Variants in EXOC3L2 observed in about 807,000 individuals in gnomAD.
The protein encoded by EXOC3L2 is exocyst complex component 3-like protein 2.
EXOC3L2 carries 17 observed loss-of-function variants against 44.4 expected under a neutral mutation model. The ratio of observed to expected loss-of-function variants is 0.38; its 90% CI spans 0.26 to 0.57. The LOEUF (loss-of-function observed/expected upper bound fraction) is 0.57. Ranked by LOEUF, EXOC3L2 falls within the 20% of genes least tolerant of loss-of-function variation. The probability of loss-of-function intolerance (pLI) is 0.65; values close to 1 mark genes in which losing one functional copy is unlikely to be tolerated. For synonymous variants in EXOC3L2, 256 were observed against 253.7 expected (o/e 1.01, Z -0.09); for missense variants, 541 against 588.4 (o/e 0.92, Z 0.83).
At chr19:45,222,325 G>A (rs1027008146) in intron 8 of EXOC3L2, among the ~76,000 whole-genome samples, 7 of 150,944 alleles carry the variant, frequency 4.6e-5, no homozygotes, top group East Asian at 2.0e-4. Flanking sequence ...TCAGCCTCCC[G>A]AGTAGCTGGA....
chr19:45,228,300 G>A, intron 4 of EXOC3L2, 34 bp from the exon 5 acceptor site: 2 of 1,599,438 alleles, frequency 1.3e-6, no homozygotes, highest in Non-Finnish European at 8.6e-7. Context: ...GGCAGGAGTT[G>A]GGGGCGGCCT....
At chr19:45,223,391 G>A (rs922591764) in intron 8 of EXOC3L2, among the ~76,000 whole-genome samples, 4 of 152,070 alleles carry the variant, frequency 2.6e-5, no homozygotes, top group African/African-American at 9.7e-5. Flanking sequence ...CACCCAGGCT[G>A]CAGTGCAATG....
At chr19:45,230,536 A>G (rs186122312) in intron 4 of EXOC3L2, among the ~76,000 whole-genome samples, 113 of 151,894 alleles carry the variant, frequency 7.4e-4, no homozygotes, top group African/African-American at 2.7e-3. Context: ...TTTAAAACAG[A>G]GACAGTCTTG....
intron 8 of EXOC3L2, 95 bp from the exon 9 acceptor site, chr19:45,218,414 C>A: frequency 7.1e-7 from 1 of 1,401,838 alleles, no homozygotes; most frequent in Non-Finnish European, 9.4e-7. Context: ...CGTGTTGAAC[C>A]AGGGCTGTGC....
Position 45,238,572 on chromosome 19 carries a change from C to T in EXOC3L2, c.474G>A (p.Glu158=), listed in dbSNP as rs923427433. ...RVVPAGEAAP[E]PPPKVPEPPK... is the part of the protein sequence containing the mutation. The stretch of plus-strand genomic sequence containing the variant: ...GGGGCTCTGGGACCTTGGGTGGGGG[C>T]TCTGGAGCTGCCTCGCCTGCAGGCA... Residue 158 remains glutamate (E), a synonymous_variant, in exon 2 of 12, where the codon GAG becomes GAA. Coordinates refer to ENST00000413988, the MANE Select transcript of EXOC3L2 (RefSeq NM_001382422.1). The surrounding 1 kb of genome is among the most constrained non-coding windows in gnomAD (Gnocchi z 5.5). 7.5e-6 allele frequency: 3 copies of T among 399,732 alleles called. No homozygotes were observed. Among genetic ancestry groups the T allele is most frequent in the African/African-American group, 6.2e-5 (3 of 48,644 alleles). The allele number at this position is 399,732 out of a possible 1,614,324, so 24.8% of individuals were successfully genotyped here.
At chr19:45,226,746 T>G (rs1349016508) in intron 7 of EXOC3L2, among the ~76,000 whole-genome samples, 3 of 127,874 alleles carry the variant, frequency 2.3e-5, no homozygotes, top group Admixed American at 7.8e-5. Flanking sequence ...GACTCCCATC[T>G]CTTTTTTTTT....
chr19:45,227,561 C>A (rs1969978117), intron 7 of EXOC3L2, 101 bp downstream of exon 7: 3 of 954,812 alleles, frequency 3.1e-6, no homozygotes, highest in Non-Finnish European at 4.8e-6. Context: ...TGCTCAGACT[C>A]CCCTGAGTCA....
intron 1 of EXOC3L2, among the ~76,000 whole-genome samples, chr19:45,242,075 C>T (rs1970135488): frequency 6.6e-6 from 1 of 152,204 alleles, no homozygotes; most frequent in Non-Finnish European, 1.5e-5. Context: ...CCACGCAGGG[C>T]TTTAAGTTCC....
intron 11 of EXOC3L2, among the ~76,000 whole-genome samples, chr19:45,215,241 C>T (rs1264150439): frequency 6.6e-6 from 1 of 152,166 alleles, no homozygotes; most frequent in Non-Finnish European, 1.5e-5. Flanking sequence ...GAAGCCGAGG[C>T]AGGCAGATCA....
intron 11 of EXOC3L2, among the ~76,000 whole-genome samples, chr19:45,214,986 T>C (rs1969818281): frequency 6.6e-6 from 1 of 151,178 alleles, no homozygotes; most frequent in South Asian, 2.1e-4. Context: ...TGAAATCCCA[T>C]CTCTACTAAA....
At chr19:45,226,927 G>A (rs1324194701) in intron 7 of EXOC3L2, among the ~76,000 whole-genome samples, 6 of 132,942 alleles carry the variant, frequency 4.5e-5, no homozygotes, top group African/African-American at 1.7e-4. Context: ...TAATTTTTTT[G>A]TATTCTTAGT....
chr19:45,222,537 C>T (rs1445089093), intron 8 of EXOC3L2, among the ~76,000 whole-genome samples: 1 of 152,050 alleles, frequency 6.6e-6, no homozygotes, highest in Non-Finnish European at 1.5e-5. Flanking sequence ...CCCTCTGTCC[C>T]TCTGTCCCAG....
intron 1 of EXOC3L2, among the ~76,000 whole-genome samples, chr19:45,241,583 C>T (rs948156886): frequency 1.3e-5 from 2 of 152,092 alleles, no homozygotes; most frequent in African/African-American, 2.4e-5. Flanking sequence ...TGAGGCCTCT[C>T]ACCACAGCCT....
chr19:45,217,828 C>T, intron 9 of EXOC3L2, 145 bp from the exon 10 acceptor site: 3 of 1,010,918 alleles, frequency 3.0e-6, no homozygotes. Context: ...CGCCCCAGTC[C>T]CCAGCCCCTG....
chr19:45,233,383 G>A lies in EXOC3L2; in HGVS notation c.1157+810C>T, dbSNP rs527369863. 9.9e-5 allele frequency among the ~76,000 whole-genome samples: 15 copies of A among 152,272 alleles called. No homozygotes were observed. The South Asian group carries it at 2.9e-3, about 29-fold the overall frequency. On this transcript the variant is annotated intron_variant, in intron 3 of 11. Coordinates refer to ENST00000413988, the MANE Select transcript of EXOC3L2 (RefSeq NM_001382422.1). Reference sequence around the variant, plus strand: ...CATTCTAAGTTCTAAGATTGGAAACGTCAACAGTACTAATGCCCTAGGCTC... The same window carrying A: ...CATTCTAAGTTCTAAGATTGGAAACATCAACAGTACTAATGCCCTAGGCTC...
At position 45,234,511 on chromosome 19, in the gene EXOC3L2, C is replaced by A; in HGVS notation, c.839G>T (p.Gly280Val). The change falls in exon 3 of 12, where the codon GGG (glycine) becomes GTG (valine). Residue 280 changes from glycine to valine, a missense_variant. Coordinates refer to ENST00000413988, the MANE Select transcript of EXOC3L2 (RefSeq NM_001382422.1). The surrounding 1 kb of genome is among the most constrained non-coding windows in gnomAD (Gnocchi z 5.0). ...GCGTGCGCGTAGTTTGCGGGCCGCC[C>A]CGGGACCCCGACGCCCGTCGGCCGC... is the stretch of plus-strand genomic sequence containing the variant. ...EEAADGRRGP[G>V]AARKLRARWA... 1 of 247,170 alleles carries A rather than the reference C, an allele frequency of 4.0e-6. No individual in the cohort carries two copies. The highest frequency in any genetic ancestry group is 7.8e-6 in the Non-Finnish European group (1 of 128,726). The allele number at this position is 247,170 out of a possible 1,614,324, so 15.3% of individuals were successfully genotyped here. A position where few individuals can be genotyped will look rare whatever the true frequency, so the allele number is the denominator to read the frequency against.
intron 4 of EXOC3L2, among the ~76,000 whole-genome samples, chr19:45,229,316 TA>T (rs1425170888): frequency 1.4e-5 from 2 of 144,360 alleles, no homozygotes; most frequent in African/African-American, 5.1e-5. Context: ...ATTTATGTAT[TA>T]AATATATACA....
In EXOC3L2 at chr19:45,227,707, T is replaced by C. The variant is rs144153757; in HGVS notation, c.1538A>G (p.Tyr513Cys). 32 of 1,613,004 alleles carry C rather than the reference T, an allele frequency of 2.0e-5. No homozygotes were observed. The highest frequency in any genetic ancestry group is 4.5e-5 in the East Asian group (2 of 44,874). ...PAVREMLPDT[Y>C]ISKTIALVNC... Reference sequence around the variant, plus strand: ...GACCAGGGCGATGGTCTTGCTGATATAGGTGTCAGGTAGCATCTCCCGGAC... The same window carrying C: ...GACCAGGGCGATGGTCTTGCTGATACAGGTGTCAGGTAGCATCTCCCGGAC... Residue 513 changes from tyrosine to cysteine, a missense_variant, in exon 7 of 12, where the codon TAT becomes TGT. Physicochemically the swap from Tyr to Cys is radical, Grantham distance 194. Coordinates refer to ENST00000413988, the MANE Select transcript of EXOC3L2 (RefSeq NM_001382422.1).
intron 10 of EXOC3L2, among the ~76,000 whole-genome samples, chr19:45,217,312 G>T (rs1969845700): frequency 6.6e-6 from 1 of 152,176 alleles, no homozygotes; most frequent in Non-Finnish European, 1.5e-5. Context: ...TAACAGCCGA[G>T]GAAAGCGCCC....
Sources: gnomAD v4.1 joint callset for allele counts (sites outside exome capture counted in the v4.1 genomes callset) on GRCh38, gnomAD v4.1.1 for gene constraint, Gnocchi (gnomAD v3.1) non-coding constraint, MANE v1.5 for transcripts, NCBI Gene and HGNC (gene_info 2026-07-23, HGNC 2026-07-21) for gene names.